SLC35D4: variants seen among roughly 807,000 people sequenced by gnomAD.
The protein encoded by SLC35D4 is UDP-N-acetylglucosamine transporter SLC35D4.
the SLC35D4 span, among the ~76,000 whole-genome samples, chr18:23,363,774 C>T: frequency 1.4e-4 from 21 of 152,288 alleles, no homozygotes; most frequent in African/African-American, 5.1e-4. Context: ...GGAGACGCAA[C>T]TAAAAGGCAG....
chr18:23,396,235 AG>A, the SLC35D4 span, among the ~76,000 whole-genome samples: 1 of 152,192 alleles, frequency 6.6e-6, no homozygotes, highest in Non-Finnish European at 1.5e-5. Flanking sequence ...TGTCAGATAA[AG>A]GAGGGCTTTA....
chr18:23,372,307 G>T, the SLC35D4 span, among the ~76,000 whole-genome samples: 1 of 152,084 alleles, frequency 6.6e-6, no homozygotes, highest in South Asian at 2.1e-4. Flanking sequence ...AGGAGGGTGG[G>T]CATTAGAACA....
At chr18:23,257,282 C>T in the SLC35D4 span, 39 of 1,613,512 alleles carry the variant, frequency 2.4e-5, no homozygotes, top group South Asian at 2.6e-4. Context: ...TTTGAATTCC[C>T]GGTGTTAGTG....
chr18:23,319,869 G>A, the SLC35D4 span, among the ~76,000 whole-genome samples: 2 of 152,200 alleles, frequency 1.3e-5, no homozygotes, highest in African/African-American at 4.8e-5. Flanking sequence ...CTTTGTGGTT[G>A]CTTCTTCGAT....
chr18:23,340,648 A>G, the SLC35D4 span, among the ~76,000 whole-genome samples: 5 of 152,218 alleles, frequency 3.3e-5, no homozygotes, highest in African/African-American at 9.6e-5. Context: ...AGGGCCATAG[A>G]AAAAAACAGA....
At chr18:23,377,538 A>G in the SLC35D4 span, 3 of 1,052,608 alleles carry the variant, frequency 2.9e-6, no homozygotes, top group Non-Finnish European at 4.0e-6. Context: ...TTTATAATAA[A>G]TTCTTCTGCC....
the SLC35D4 span, chr18:23,421,439 T>A: frequency 1.2e-6 from 2 of 1,613,934 alleles, no homozygotes; most frequent in Non-Finnish European, 1.7e-6. Flanking sequence ...AATGAGCGTC[T>A]GCCACCTGGA....
At chr18:23,402,064 G>A in the SLC35D4 span, among the ~76,000 whole-genome samples, 1 of 152,146 alleles carries the variant, frequency 6.6e-6, no homozygotes, top group African/African-American at 2.4e-5. Context: ...GGGCAACAGG[G>A]CCAAAGCAAC....
At chr18:23,297,888 G>A in the SLC35D4 span, 1 of 1,248,852 alleles carries the variant, frequency 8.0e-7, no homozygotes, top group Non-Finnish European at 1.1e-6. Flanking sequence ...TGGCCTCACT[G>A]TCCTTGCATT....
the SLC35D4 span, among the ~76,000 whole-genome samples, chr18:23,290,421 G>C: frequency 6.6e-6 from 1 of 152,266 alleles, no homozygotes; most frequent in African/African-American, 2.4e-5. Flanking sequence ...ATCTCACTCA[G>C]TTATCCTTCA....
chr18:23,257,339 A>G, the SLC35D4 span: 2 of 1,611,732 alleles, frequency 1.2e-6, no homozygotes, highest in Non-Finnish European at 1.7e-6. Flanking sequence ...GTCATGCCCC[A>G]CTACAGACGG....
chr18:23,428,096 C>A, the SLC35D4 span, among the ~76,000 whole-genome samples: 1 of 151,970 alleles, frequency 6.6e-6, no homozygotes, highest in African/African-American at 2.4e-5. Context: ...CACAGCGCAC[C>A]AACATGGCAC....
At chr18:23,239,076 A>ATCTGATCTTTTTTT in the SLC35D4 span, among the ~76,000 whole-genome samples, 1 of 152,014 alleles carries the variant, frequency 6.6e-6, no homozygotes, top group Admixed American at 6.6e-5. Context: ...GATCTTTTTT[A>ATCTGATCTTTTTTT]TCTGATCTTT....
chr18:23,243,363 C>G, the SLC35D4 span, among the ~76,000 whole-genome samples: 4 of 151,806 alleles, frequency 2.6e-5, no homozygotes, highest in Non-Finnish European at 5.9e-5. Flanking sequence ...TGGGCAGTAG[C>G]TGAGGAGCAT....
chr18:23,433,564 T>C, the SLC35D4 span, among the ~76,000 whole-genome samples: 4 of 152,292 alleles, frequency 2.6e-5, no homozygotes, highest in South Asian at 2.1e-4. Flanking sequence ...GAACACGTCA[T>C]CAGCCAGGGC....
the SLC35D4 span, among the ~76,000 whole-genome samples, chr18:23,248,944 C>G: frequency 6.6e-6 from 1 of 152,262 alleles, no homozygotes; most frequent in Admixed American, 6.5e-5. Flanking sequence ...CACTGTAGAA[C>G]TGTGCCACCC....
chr18:23,260,555 C>T, the SLC35D4 span: 2 of 152,650 alleles, frequency 1.3e-5, no homozygotes, highest in Non-Finnish European at 2.9e-5. Flanking sequence ...CCCTGGCTGC[C>T]TCCCGTGACT....
At chr18:23,409,987 T>C in the SLC35D4 span, among the ~76,000 whole-genome samples, 1 of 152,128 alleles carries the variant, frequency 6.6e-6, no homozygotes, top group Non-Finnish European at 1.5e-5. Flanking sequence ...ATTTAACGTA[T>C]ATGGGATGAC....
chr18:23,319,050 G>A, the SLC35D4 span, among the ~76,000 whole-genome samples: 1 of 151,580 alleles, frequency 6.6e-6, no homozygotes, highest in African/African-American at 2.4e-5. Context: ...CATCATGTTG[G>A]CCAGGCTGGT....
Sources: allele counts gnomAD v4.1 joint callset (sites outside exome capture counted in the v4.1 genomes callset), GRCh38; gene constraint gnomAD v4.1.1; transcripts MANE v1.5; gene names NCBI Gene and HGNC (gene_info 2026-07-23, HGNC 2026-07-21).